The following PDE4A variants were observed in gnomAD, a reference collection of about 807,000 sequenced individuals.
PDE4A encodes 3',5'-cyclic-AMP phosphodiesterase 4A.
PDE4A carries 21 observed loss-of-function variants against 73.9 expected under a neutral mutation model. The observed-to-expected ratio is 0.28, with a 90% CI of 0.20 to 0.41. The LOEUF (loss-of-function observed/expected upper bound fraction) is 0.41, where lower values mean the gene tolerates loss of function less well. Ranked by LOEUF, PDE4A falls within the 10% of genes least tolerant of loss-of-function variation. The pLI is 1.00. For synonymous variants in PDE4A, 463 were observed against 505.4 expected (o/e 0.92, Z 1.13); for missense variants, 958 against 1,211.4 (o/e 0.79, Z 3.10).
At chr19:10,466,499 T>G (rs2043374344) in intron 14 of PDE4A, among the ~76,000 whole-genome samples, 1 of 148,946 alleles carries the variant, frequency 6.7e-6, no homozygotes, top group Admixed American at 6.7e-5. Flanking sequence ...TGTATACATT[T>G]TTTTGTTTTT....
At chr19:10,429,155 G>A (rs1376177216) in intron 1 of PDE4A, among the ~76,000 whole-genome samples, 1 of 147,028 alleles carries the variant, frequency 6.8e-6, no homozygotes, top group Non-Finnish European at 1.5e-5. Context: ...AGAAAGGAAA[G>A]GAAAGGAAAG....
chr19:10,465,683 C>CTTTTTTTTTTTTTTTTTTT (rs749126870), intron 14 of PDE4A, among the ~76,000 whole-genome samples: 6 of 48,380 alleles, frequency 1.2e-4, no homozygotes, highest in Non-Finnish European at 1.8e-4. Context: ...GTGGCTTTAG[C>CTTTTTTTTTTTTTTTTTTT]TTTTTTTTTT....
intron 13 of PDE4A, among the ~76,000 whole-genome samples, chr19:10,462,780 C>A (rs1394058390): frequency 6.6e-6 from 1 of 152,150 alleles, no homozygotes; most frequent in Non-Finnish European, 1.5e-5. Context: ...TCTTCCCTCA[C>A]CCCCCTTCCG....
rs1313008251 is a variant in PDE4A, at chr19:10,467,237, G to C, written c.2277G>C (p.Glu759Asp). Residue 759 changes from glutamate to aspartate, a missense_variant, in exon 15 of 15, where the codon GAG becomes GAC. Physicochemically the swap from Glu to Asp is conservative, Grantham distance 45. Coordinates refer to ENST00000380702, the MANE Select transcript of PDE4A (RefSeq NM_001111307.2). ...CCTGGGAGGCATCCCCGGCCCAGGAGTCGTTGGAAGTTATGGCACAGGAAG... is the reference window on the plus strand; with the variant it reads ...CCTGGGAGGCATCCCCGGCCCAGGACTCGTTGGAAGTTATGGCACAGGAAG... The part of the protein sequence containing the change: ...TIAWEASPAQ[E>D]SLEVMAQEAS... The C allele has an allele frequency of 3.7e-6, 6 of 1,614,240 alleles. No homozygotes were observed. Among genetic ancestry groups the C allele is most frequent in the Non-Finnish European group, 5.1e-6 (6 of 1,180,040 alleles).
intron 4 of PDE4A, among the ~76,000 whole-genome samples, chr19:10,449,832 A>G (rs2043064538): frequency 1.3e-5 from 2 of 152,028 alleles, no homozygotes; most frequent in Admixed American, 1.3e-4. Context: ...GTGCTGGCTC[A>G]TGCCTGTAAT....
Position 10,453,187 on chromosome 19 carries a change from C to A in PDE4A, c.784-1642C>A. 6.6e-7 allele frequency: 1 copy of A among 1,511,668 alleles called. No homozygotes were observed. Among genetic ancestry groups the A allele is most frequent in the Non-Finnish European group, 8.9e-7 (1 of 1,127,330 alleles). 93.6% of individuals were successfully genotyped at this position (1,511,668 alleles called of 1,614,324 possible). A position where few individuals can be genotyped will look rare whatever the true frequency, so the allele number is the denominator to read the frequency against. The stretch of plus-strand genomic sequence containing the variant: ...CTACCCACCTGCCCGGCACCCCCTC[C>A]CCAGTGGTTGTTAACCCCGGGACTC... On this transcript the variant is annotated intron_variant, in intron 6 of 14. Coordinates refer to ENST00000380702, the MANE Select transcript of PDE4A (RefSeq NM_001111307.2). The surrounding 1 kb of genome is among the most constrained non-coding windows in gnomAD (Gnocchi z 4.6).
chr19:10,430,750 C>A (rs1280390313), intron 1 of PDE4A: 4 of 333,338 alleles, frequency 1.2e-5, no homozygotes, highest in Non-Finnish European at 1.7e-5. Flanking sequence ...GGGTGGGGCC[C>A]GCGGGCCCGG....
chr19:10,426,263 G>A (rs1157651792), intron 1 of PDE4A, among the ~76,000 whole-genome samples: 1 of 152,196 alleles, frequency 6.6e-6, no homozygotes, highest in Non-Finnish European at 1.5e-5. Flanking sequence ...ATTTCTAGCA[G>A]ATTCGTTCAT....
chr19:10,435,008 C>T (rs2042846037), intron 1 of PDE4A, among the ~76,000 whole-genome samples: 1 of 151,408 alleles, frequency 6.6e-6, no homozygotes, highest in Non-Finnish European at 1.5e-5. Flanking sequence ...CTCCAACAGG[C>T]ATGAGCCACG....
upstream of PDE4A, chr19:10,420,525 C>T (rs1197792899): frequency 4.5e-6 from 5 of 1,099,510 alleles, no homozygotes; most frequent in African/African-American, 8.3e-5. The surrounding 1 kb of genome is among the most constrained non-coding windows in gnomAD (Gnocchi z 6.0). Flanking sequence ...GAACGCGGAG[C>T]GCGGAGCGCG....
chr19:10,432,018 G>A (rs2042795369), intron 1 of PDE4A, among the ~76,000 whole-genome samples: 1 of 151,904 alleles, frequency 6.6e-6, no homozygotes, highest in African/African-American at 2.4e-5. Context: ...TTTCCCCGGG[G>A]GCGCACGGCG....
upstream of PDE4A, chr19:10,416,927 G>T (rs767659569): frequency 9.2e-5 from 142 of 1,539,944 alleles, no homozygotes; most frequent in Non-Finnish European, 1.1e-4. Context: ...TCCCAACGGC[G>T]CGCTAGGTTG....
Position 10,466,989 on chromosome 19 carries a change from G to T in PDE4A, c.2029G>T (p.Asp677Tyr). ...EILDTLEDNR[D>Y]WYYSAIRQSP... is the part of the protein sequence containing the mutation. The stretch of plus-strand genomic sequence containing the variant: ...CTTGGACACTTTGGAGGACAACCGG[G>T]ACTGGTACTACAGCGCCATCCGGCA... Residue 677 changes from aspartate (D) to tyrosine (Y), a missense_variant, in exon 15 of 15, where the codon GAC becomes TAC. Around this residue, in one of 3 missense-constraint regions of PDE4A, gnomAD observed 570 missense variants for 827.7 expected, o/e 0.69. Transcript: ENST00000380702. 4 of 1,614,140 alleles carry T rather than the reference G, an allele frequency of 2.5e-6. No homozygotes were observed. The highest frequency in any genetic ancestry group is 3.4e-6 in the Non-Finnish European group (4 of 1,180,026).
chr19:10,428,368 G>GAGAGAA (rs2042744633), intron 1 of PDE4A, among the ~76,000 whole-genome samples: 1 of 148,160 alleles, frequency 6.7e-6, no homozygotes, highest in Non-Finnish European at 1.5e-5. Flanking sequence ...GAGAGAGAGA[G>GAGAGAA]AGAGAGAGAG....
chr19:10,417,986 A>G (rs2042604780), upstream of PDE4A: 1 of 1,161,136 alleles, frequency 8.6e-7, no homozygotes, highest in South Asian at 1.5e-5. Context: ...AACTAGCTGC[A>G]ACTTGTCCTG....
chr19:10,444,670 ATT>A (rs552364395), intron 1 of PDE4A, among the ~76,000 whole-genome samples: 20 of 135,368 alleles, frequency 1.5e-4, no homozygotes, highest in Admixed American at 1.5e-4. Flanking sequence ...TGTGTCTGAG[ATT>A]TTTTTTTTTT....
chr19:10,448,863 C>T (rs545950582), intron 2 of PDE4A, 54 bp from the exon 3 acceptor site: 1 of 1,610,884 alleles, frequency 6.2e-7, no homozygotes, highest in South Asian at 1.1e-5. Context: ...GGGCATCTAC[C>T]CCAGACAGTT....
At position 10,457,445 on chromosome 19, in the gene PDE4A, G is replaced by A. The variant is rs1353071565; in HGVS notation, c.878-434G>A. On this transcript the variant is annotated intron_variant, in intron 7 of 14. Transcript: ENST00000380702. ...GCCAAGGTGGGCGGGGGGGGGGGGG[G>A]GCAGGGACATGGAGCCAGAGACCAC... Among the ~76,000 whole-genome samples, 39 of 100,844 alleles carry A rather than the reference G, an allele frequency of 3.9e-4. 1 individual carries two copies. Among genetic ancestry groups the A allele is most frequent in the Non-Finnish European group, 8.1e-4 (39 of 47,908 alleles). 66.2% of individuals were successfully genotyped at this position (100,844 alleles called of 152,430 possible). A position where few individuals can be genotyped will look rare whatever the true frequency, so the allele number is the denominator to read the frequency against.
chr19:10,457,551 A>G (rs2043191319), intron 7 of PDE4A, among the ~76,000 whole-genome samples: 1 of 151,588 alleles, frequency 6.6e-6, no homozygotes, highest in Non-Finnish European at 1.5e-5. Flanking sequence ...CCACCCAGAA[A>G]GGTTCCCTGG....
Sources: gnomAD v4.1 joint callset for allele counts (sites outside exome capture counted in the v4.1 genomes callset) on GRCh38, gnomAD v4.1.1 for gene constraint, gnomAD v4.1.1 regional missense constraint, Gnocchi (gnomAD v3.1) non-coding constraint, MANE v1.5 for transcripts, NCBI Gene and HGNC (gene_info 2026-07-23, HGNC 2026-07-21) for gene names.